Variants in SGSM3 observed in about 807,000 individuals in gnomAD.
SGSM3 encodes RUN and SH3 containing 3.
SGSM3 carries 96 observed loss-of-function variants against 100.5 expected under a neutral mutation model. The observed-to-expected ratio is 0.96, with a 90% CI of 0.81 to 1.13. The LOEUF (loss-of-function observed/expected upper bound fraction) is 1.13. Among genes scored for constraint, SGSM3 ranks in the 50% most tolerant of loss-of-function variants. The pLI is 0.00. For synonymous variants in SGSM3, 483 were observed against 422.8 expected (o/e 1.14, Z -1.75); for missense variants, 1,001 against 1,015.8 (o/e 0.99, Z 0.20).
chr22:40,409,986 C>G lies in SGSM3; in HGVS notation c.*227C>G. The G allele has an allele frequency of 7.5e-7, 1 of 1,338,352 alleles. No homozygotes were observed. Among genetic ancestry groups the G allele is most frequent in the South Asian group, 2.1e-5 (1 of 47,444 alleles). 82.9% of individuals were successfully genotyped at this position (1,338,352 alleles called of 1,614,324 possible). On this transcript the variant is annotated 3_prime_UTR_variant, in exon 22 of 22. Coordinates refer to ENST00000248929, the MANE Select transcript of SGSM3 (RefSeq NM_015705.6). ...CTCTAGGCCAAACCACAGTTTGTAC[C>G]AAAAACCTTGTGAGGAGGTGGGGGA...
chr22:40,379,820 C>T (rs2047264338), intron 1 of SGSM3, among the ~76,000 whole-genome samples: 1 of 152,106 alleles, frequency 6.6e-6, no homozygotes, highest in East Asian at 1.9e-4. Flanking sequence ...GCAATCCTCC[C>T]ACCTCAGCTT....
intron 1 of SGSM3, chr22:40,387,357 C>T (rs888762830): frequency 2.5e-6 from 1 of 393,996 alleles, no homozygotes; most frequent in African/African-American, 2.1e-5. Context: ...GCAAATGAAA[C>T]ATTTCCGGTA....
chr22:40,404,497 T>C, intron 5 of SGSM3, 42 bp downstream of exon 5: 2 of 1,609,618 alleles, frequency 1.2e-6, no homozygotes, highest in Non-Finnish European at 1.7e-6. Context: ...GAGAGGGTCC[T>C]GGCCCCATGA....
intron 9 of SGSM3, 41 bp downstream of exon 9, chr22:40,406,264 G>A (rs372074862): frequency 6.2e-6 from 10 of 1,609,640 alleles, no homozygotes; most frequent in Admixed American, 3.3e-5. Flanking sequence ...GTAGGCACCC[G>A]AGATGGGGGG....
At position 40,405,151 on chromosome 22, in the gene SGSM3, ACCTGCTCCGCACCATGCCCAGCAACG is replaced by A; in HGVS notation, c.492_517del (p.Thr166GlnfsTer4). On this transcript the variant is annotated frameshift_variant, in exon 7 of 22. Coordinates refer to ENST00000248929, the MANE Select transcript of SGSM3 (RefSeq NM_015705.6). LOFTEE classifies it high-confidence loss of function. ...ATGGCTGCCTGACAGATCGAGAAGG[ACCTGCTCCGCACCATGCCCAGCAACG>A]CCTGCTTCGCCAGCATGGGTAGCAT... The A allele has an allele frequency of 6.5e-7, 1 of 1,534,256 alleles. No homozygotes were observed. The highest frequency in any genetic ancestry group is 8.8e-7 in the Non-Finnish European group (1 of 1,138,996).
At position 40,409,819 on chromosome 22, in the gene SGSM3, G is replaced by A. The variant is rs192461526; in HGVS notation, c.*60G>A. On this transcript the variant is annotated 3_prime_UTR_variant, in exon 22 of 22. Transcript: ENST00000248929. Reference sequence around the variant, plus strand: ...CTGAGGTGGCCCAGGACCCCAAGCTGCAGAGCCCAGGGAAGAGCAGCTCCA... The same window carrying A: ...CTGAGGTGGCCCAGGACCCCAAGCTACAGAGCCCAGGGAAGAGCAGCTCCA... 7 of 1,574,660 alleles carry A rather than the reference G, an allele frequency of 4.4e-6. No individual in the cohort carries two copies. In the African/African-American group the frequency reaches 5.4e-5, roughly 12 times the overall value.
At chr22:40,392,334 C>T (rs2049465971) in intron 1 of SGSM3, among the ~76,000 whole-genome samples, 1 of 148,728 alleles carries the variant, frequency 6.7e-6, no homozygotes. Flanking sequence ...TTAGGAAGTT[C>T]CTGACTTCAC....
At chr22:40,392,819 T>C (rs1168643888) in intron 1 of SGSM3, among the ~76,000 whole-genome samples, 1 of 152,244 alleles carries the variant, frequency 6.6e-6, no homozygotes, top group African/African-American at 2.4e-5. Context: ...ACTCCGTTAC[T>C]CATTAGCAGT....
rs1287334554 is a variant in SGSM3, at chr22:40,398,999, T to C, written c.-111-1697T>C. Among the ~76,000 whole-genome samples, 3 of 139,614 alleles carry C rather than the reference T, an allele frequency of 2.1e-5. 1 individual carries two copies. The highest frequency in any genetic ancestry group is 7.9e-5 in the African/African-American group (3 of 37,818). The allele number at this position is 139,614 out of a possible 152,430, so 91.6% of individuals were successfully genotyped here. On this transcript the variant is annotated intron_variant, in intron 1 of 21. Transcript: ENST00000248929. ...ACTGGAGATGTCTTTACTTTTTTTT[T>C]TTGAGACAGAGTCTCACTCTGTCAC...
At position 40,409,966 on chromosome 22, in the gene SGSM3, G is replaced by A. The variant is rs1036644188; in HGVS notation, c.*207G>A. Reference sequence around the variant, plus strand: ...CACCAGGGTCCTTAGGGATGCTCTAGGCCAAACCACAGTTTGTACCAAAAA... The same window carrying A: ...CACCAGGGTCCTTAGGGATGCTCTAAGCCAAACCACAGTTTGTACCAAAAA... On this transcript the variant is annotated 3_prime_UTR_variant, in exon 22 of 22. Coordinates refer to ENST00000248929, the MANE Select transcript of SGSM3 (RefSeq NM_015705.6). The A allele has an allele frequency of 9.5e-6, 13 of 1,369,426 alleles. No homozygotes were observed. The highest frequency in any genetic ancestry group is 1.2e-5 in the Non-Finnish European group (13 of 1,068,350). The allele number at this position is 1,369,426 out of a possible 1,614,324, so 84.8% of individuals were successfully genotyped here.
Position 40,409,268 on chromosome 22 carries a change from G to A in SGSM3, c.2007G>A (p.Leu669=), listed in dbSNP as rs2052203287. The change falls in exon 20 of 22, where the codon CTG becomes CTA. Residue 669 remains leucine (L), a synonymous_variant. Transcript: ENST00000248929. ...TCCCCAGTGAGCAGGTGCTGCACCT[G>A]TGGCTGGAGGTGCTCTGCTCCAGCC... is the stretch of plus-strand genomic sequence containing the variant. ...CVGLNEQVLH[L]WLEVLCSSLP... The A allele has an allele frequency of 1.2e-6, 2 of 1,609,930 alleles. No individual in the cohort carries two copies. The highest frequency in any genetic ancestry group is 8.5e-7 in the Non-Finnish European group (1 of 1,179,362).
chr22:40,377,005 T>G (rs1277458106), intron 1 of SGSM3, among the ~76,000 whole-genome samples: 1 of 152,222 alleles, frequency 6.6e-6, no homozygotes, highest in Admixed American at 6.5e-5. Context: ...TTGGTCACTT[T>G]CCCAGTCATG....
intron 18 of SGSM3, 32 bp from the exon 19 acceptor site, chr22:40,408,901 G>A (rs774856902): frequency 1.2e-6 from 2 of 1,613,900 alleles, no homozygotes; most frequent in Admixed American, 1.7e-5. Context: ...CTGTGGGGGA[G>A]CCTGAGTGAC....
rs202120133 is a variant in SGSM3, at chr22:40,407,841, G to C, written c.1577G>C (p.Arg526Pro). ...TGGGTGGGGGAGCTCAACGGCCTGC[G>C]AGGTGGGGTCCTTGGTCTGCTCTTG... ...HCWVGELNGL[R>P]GWFPAKFVEV... Residue 526 changes from arginine to proline, a missense_variant and splice_region_variant, in exon 14 of 22, where the codon CGA (arginine) becomes CCA (proline). Physicochemically the swap from Arg to Pro is moderately radical, Grantham distance 103. Transcript: ENST00000248929. The surrounding 1 kb of genome is among the most constrained non-coding windows in gnomAD (Gnocchi z 4.7). 2 of 1,611,668 alleles carry C rather than the reference G, an allele frequency of 1.2e-6. No homozygotes were observed. Among genetic ancestry groups the C allele is most frequent in the South Asian group, 1.1e-5 (1 of 90,820 alleles).
chr22:40,381,827 G>A (rs1232693773), intron 1 of SGSM3, among the ~76,000 whole-genome samples: 1 of 152,172 alleles, frequency 6.6e-6, no homozygotes, highest in East Asian at 1.9e-4. Flanking sequence ...AGGCATGGTG[G>A]TATATGCCTT....
In SGSM3 at chr22:40,405,612, C is replaced by G. The variant is rs1270610077; in HGVS notation, c.619-37C>G. The G allele has an allele frequency of 2.5e-6, 4 of 1,586,014 alleles. No individual in the cohort carries two copies. The South Asian group carries it at 4.6e-5, about 18-fold the overall frequency. ...GCACCTTTTCTAATCTGCACAAAGA[C>G]CTGGGTAGAAGGCCCTTGTCCCTGT... On this transcript the variant is annotated intron_variant, in intron 7 of 21. Transcript: ENST00000248929.
At chr22:40,391,178 A>G (rs1306060993) in intron 1 of SGSM3, among the ~76,000 whole-genome samples, 1 of 152,198 alleles carries the variant, frequency 6.6e-6, no homozygotes, top group Non-Finnish European at 1.5e-5. Context: ...CTGGACCAAA[A>G]GCATCCGCAT....
chr22:40,409,487 A>G lies in SGSM3; in HGVS notation c.2134A>G (p.Ser712Gly). ...TAGAGTCCTCTGCTGCTTTGCCTTC[A>G]GCCTCTCCCAGGACTGGGAGCTCCC... is the stretch of plus-strand genomic sequence containing the variant. ...ELRVLCCFAF[S>G]LSQDWELPAK... The change falls in exon 21 of 22, where the codon AGC (serine) becomes GGC (glycine). Residue 712 changes from serine to glycine, a missense_variant. Ser to Gly is a moderately conservative substitution (Grantham distance 56, BLOSUM62 0). Transcript: ENST00000248929. The G allele has an allele frequency of 1.9e-6, 3 of 1,586,124 alleles. No individual in the cohort carries two copies. Among genetic ancestry groups the G allele is most frequent in the Non-Finnish European group, 2.6e-6 (3 of 1,166,024 alleles).
intron 1 of SGSM3, among the ~76,000 whole-genome samples, chr22:40,388,790 A>G (rs1001448384): frequency 6.6e-6 from 1 of 152,174 alleles, no homozygotes; most frequent in Admixed American, 6.5e-5. Context: ...AAGGCCGAAT[A>G]GTTGAGGGGT....
Sources: allele counts gnomAD v4.1 joint callset (sites outside exome capture counted in the v4.1 genomes callset), GRCh38; gene constraint gnomAD v4.1.1; non-coding constraint Gnocchi (gnomAD v3.1); transcripts MANE v1.5; gene names NCBI Gene and HGNC (gene_info 2026-07-23, HGNC 2026-07-21).